The following PARD3B variants were observed in gnomAD, a reference collection of about 807,000 sequenced individuals.
The protein encoded by PARD3B is par-3 family cell polarity regulator beta, also known as partitioning defective 3 homolog B.
Under a neutral mutation model 130.2 loss-of-function variants are expected in PARD3B, and 103 were observed. The observed-to-expected ratio is 0.79, with a 90% CI of 0.67 to 0.93. The LOEUF (loss-of-function observed/expected upper bound fraction) is 0.93. PARD3B is among the 40% of genes least tolerant of loss of function. PARD3B has a pLI of 0.00. For synonymous variants in PARD3B, 583 were observed against 553.2 expected, an observed-to-expected ratio of 1.05 and a Z score of -0.76; for missense variants, 1,609 against 1,499.2, an observed-to-expected ratio of 1.07 and a Z score of -1.21.
intron 18 of PARD3B, among the ~76,000 whole-genome samples, chr2:205,375,594 G>A (rs1401510677): frequency 6.6e-6 from 1 of 152,160 alleles, no homozygotes; most frequent in African/African-American, 2.4e-5. Context: ...GTCAGTAGGA[G>A]ACTTTTGGAA....
chr2:205,201,224 A>G (rs2036969681), intron 15 of PARD3B, among the ~76,000 whole-genome samples: 1 of 152,202 alleles, frequency 6.6e-6, no homozygotes, highest in Non-Finnish European at 1.5e-5. Flanking sequence ...TCATGCAAAT[A>G]TTGAAAGACT....
chr2:205,174,184 ACT>A (rs2035336535), intron 12 of PARD3B, among the ~76,000 whole-genome samples: 1 of 151,976 alleles, frequency 6.6e-6, no homozygotes, highest in East Asian at 1.9e-4. Flanking sequence ...TAATTCTCAC[ACT>A]CTGGGTAGAT....
chr2:204,820,357 G>C (rs1017373023), intron 2 of PARD3B, among the ~76,000 whole-genome samples: 7 of 151,820 alleles, frequency 4.6e-5, no homozygotes, highest in African/African-American at 1.7e-4. Flanking sequence ...GATTACAGGC[G>C]TGAGCCACCA....
chr2:204,723,641 A>G (rs2039092604), intron 2 of PARD3B, among the ~76,000 whole-genome samples: 1 of 152,164 alleles, frequency 6.6e-6, no homozygotes, highest in South Asian at 2.1e-4. Context: ...GTCAGTTTTT[A>G]TAATTGCAAA....
intron 18 of PARD3B, among the ~76,000 whole-genome samples, chr2:205,331,778 G>A (rs1362080602): frequency 3.2e-3 from 11 of 3,472 alleles, no homozygotes; most frequent in Non-Finnish European, 6.2e-3. Flanking sequence ...GTGAGACTCC[G>A]TCTCAAAAAA....
intron 21 of PARD3B, among the ~76,000 whole-genome samples, chr2:205,547,122 A>G (rs1278921001): frequency 6.6e-6 from 1 of 152,266 alleles, no homozygotes; most frequent in South Asian, 2.1e-4. Flanking sequence ...TCTCATCTCT[A>G]TGTCTTATGG....
chr2:205,174,100 C>T (rs1341895385), intron 12 of PARD3B, among the ~76,000 whole-genome samples: 2 of 152,228 alleles, frequency 1.3e-5, no homozygotes, highest in East Asian at 1.9e-4. Context: ...AGCAGATAGG[C>T]GTTATATATT....
chr2:205,171,536 G>A (rs1261061512), intron 11 of PARD3B, among the ~76,000 whole-genome samples: 1 of 152,206 alleles, frequency 6.6e-6, no homozygotes, highest in Non-Finnish European at 1.5e-5. Flanking sequence ...GAAGATGCTG[G>A]TTGAAAGTAC....
intron 21 of PARD3B, among the ~76,000 whole-genome samples, chr2:205,501,662 G>A (rs996583097): frequency 2.6e-5 from 4 of 152,174 alleles, no homozygotes; most frequent in African/African-American, 7.2e-5. Flanking sequence ...GAATTCCTAT[G>A]AGCAAAATAA....
intron 22 of PARD3B, among the ~76,000 whole-genome samples, chr2:205,586,271 G>A (rs1261108865): frequency 6.6e-6 from 1 of 152,192 alleles, no homozygotes; most frequent in African/African-American, 2.4e-5. Flanking sequence ...AAGACAGTCA[G>A]AAAACACATA....
At chr2:205,556,691 T>C (rs536780547) in intron 22 of PARD3B, among the ~76,000 whole-genome samples, 27 of 152,286 alleles carry the variant, frequency 1.8e-4, no homozygotes, top group Middle Eastern at 3.4e-3. Context: ...ACAACCTCGT[T>C]AGTAAACACC....
In PARD3B at chr2:205,128,413, C is replaced by G. The variant is rs528636840; in HGVS notation, c.1434+2676C>G. ...TTATCCCAGTTTGAAGCTCTGAATT[C>G]ATTCCTCATCAAAGGCAATTATATC... On this transcript the variant is annotated intron_variant, in intron 10 of 22. Coordinates refer to ENST00000406610, the MANE Select transcript of PARD3B (RefSeq NM_001302769.2). This position sits in a 1 kb window ranked among gnomAD's most constrained non-coding sequence, Gnocchi z 4.5. Among the ~76,000 whole-genome samples, 15 of 152,318 alleles carry G rather than the reference C, an allele frequency of 9.8e-5. No homozygotes were observed. The highest frequency in any genetic ancestry group is 3.6e-4 in the African/African-American group (15 of 41,566).
chr2:204,985,628 T>A (rs1553578752), intron 3 of PARD3B, among the ~76,000 whole-genome samples: 2 of 152,154 alleles, frequency 1.3e-5, no homozygotes, highest in Non-Finnish European at 1.5e-5. Context: ...ACTTCTTCAG[T>A]GGCAGAGGGC....
At chr2:205,156,256 C>G (rs868619474) in intron 10 of PARD3B, among the ~76,000 whole-genome samples, 677 of 45,606 alleles carry the variant, frequency 0.015, 8 homozygotes, top group African/African-American at 0.055. Flanking sequence ...ACTCTGGGGA[C>G]TGTTGTGGGG....
intron 3 of PARD3B, among the ~76,000 whole-genome samples, chr2:205,037,042 A>G (rs958073539): frequency 6.0e-5 from 9 of 150,098 alleles, no homozygotes; most frequent in Non-Finnish European, 1.2e-4. Flanking sequence ...GACTGTATAC[A>G]TAAAACAAAT....
chr2:205,400,861 T>G, intron 18 of PARD3B, 152 bp from the exon 19 acceptor site: 1 of 575,490 alleles, frequency 1.7e-6, no homozygotes, highest in South Asian at 2.7e-5. Context: ...TCTGCTTTCA[T>G]TATCTTATTT....
intron 2 of PARD3B, among the ~76,000 whole-genome samples, chr2:204,829,889 C>G (rs1442481092): frequency 6.6e-6 from 1 of 150,800 alleles, no homozygotes; most frequent in African/African-American, 2.4e-5. Flanking sequence ...GTCCCAGCTA[C>G]TTGGGAGGCT....
intron 14 of PARD3B, among the ~76,000 whole-genome samples, chr2:205,188,803 A>G (rs1330654191): frequency 6.8e-6 from 1 of 147,310 alleles, no homozygotes; most frequent in Admixed American, 6.9e-5. Context: ...AAAAAAAAAA[A>G]GGAAAAGCCC....
In PARD3B at chr2:204,664,867, CT is replaced by C. The variant is rs1231738052; in HGVS notation, c.121-21310del. On this transcript the variant is annotated intron_variant, in intron 1 of 22. Coordinates refer to ENST00000406610, the MANE Select transcript of PARD3B (RefSeq NM_001302769.2). This position sits in a 1 kb window ranked among gnomAD's most constrained non-coding sequence, Gnocchi z 5.2. ...ATAATCAGTGTCTTCTCACTCTCTC[CT>C]TTTCTTTCATCTCATTCTTTACCAT... Among the ~76,000 whole-genome samples, 1 of 152,154 alleles carries C rather than the reference CT, an allele frequency of 6.6e-6. No homozygotes were observed. Among genetic ancestry groups the C allele is most frequent in the Non-Finnish European group, 1.5e-5 (1 of 68,032 alleles).
Sources: allele counts gnomAD v4.1 joint callset (sites outside exome capture counted in the v4.1 genomes callset), GRCh38; gene constraint gnomAD v4.1.1; non-coding constraint Gnocchi (gnomAD v3.1); transcripts MANE v1.5; gene names NCBI Gene and HGNC (gene_info 2026-07-23, HGNC 2026-07-21).